ADGRL2: variants seen among roughly 807,000 people sequenced by gnomAD.
ADGRL2 encodes the protein adhesion G protein-coupled receptor L2, also known as calcium-independent alpha-latrotoxin receptor 2.
Under a neutral mutation model 157.4 loss-of-function variants are expected in ADGRL2, and 44 were observed. That is an observed-to-expected ratio of 0.28 (90% CI 0.22 to 0.36). ADGRL2 has a LOEUF of 0.36. Ranked by LOEUF, ADGRL2 falls within the 10% of genes least tolerant of loss-of-function variation. ADGRL2 has a pLI of 1.00. For synonymous variants in ADGRL2, 585 were observed against 624.7 expected, an observed-to-expected ratio of 0.94 and a Z score of 0.95; for missense variants, 1,510 against 1,768.9, an observed-to-expected ratio of 0.85 and a Z score of 2.63.
chr1:81,699,684 C>T (rs2083518755), upstream of ADGRL2: 1 of 152,186 alleles, frequency 6.6e-6, no homozygotes, highest in Admixed American at 6.5e-5. Flanking sequence ...AGTGTTGTGA[C>T]TGTGATTTCC....
chr1:81,459,703 TAC>T (rs571747583), intron 2 of ADGRL2, among the ~76,000 whole-genome samples: 19 of 151,212 alleles, frequency 1.3e-4, no homozygotes, highest in South Asian at 2.1e-4. Context: ...TATATATATA[TAC>T]ACACACACAC....
At chr1:81,466,677 G>GCA (rs200150102) in intron 2 of ADGRL2, among the ~76,000 whole-genome samples, 11 of 38,610 alleles carry the variant, frequency 2.8e-4, no homozygotes, top group African/African-American at 5.6e-4. Context: ...TCTCACGCGC[G>GCA]CGCACACACA....
intron 1 of ADGRL2, among the ~76,000 whole-genome samples, chr1:81,421,219 C>A (rs1006246836): frequency 8.5e-5 from 13 of 152,246 alleles, no homozygotes; most frequent in Non-Finnish European, 1.8e-4. Context: ...TAAATTATGT[C>A]CACCTAATAC....
chr1:81,800,609 C>G (rs1189244176), upstream of ADGRL2: 1 of 152,160 alleles, frequency 6.6e-6, no homozygotes, highest in Non-Finnish European at 1.5e-5. Flanking sequence ...GCTGGTCATC[C>G]CCCTGCGCTC....
chr1:81,766,547 A>C (rs1188077583), intron 2 of ADGRL2, among the ~76,000 whole-genome samples: 1 of 152,152 alleles, frequency 6.6e-6, no homozygotes, highest in Non-Finnish European at 1.5e-5. Flanking sequence ...TAAGAAATAC[A>C]GGGCTGGGCA....
chr1:81,612,507 G>A (rs987010778), intron 3 of ADGRL2, among the ~76,000 whole-genome samples: 20 of 152,164 alleles, frequency 1.3e-4, no homozygotes, highest in African/African-American at 4.8e-4. Flanking sequence ...ACTTTAAAGA[G>A]AATGGCTCAG....
intron 1 of ADGRL2, among the ~76,000 whole-genome samples, chr1:81,443,844 C>T (rs2077552673): frequency 6.6e-6 from 1 of 152,078 alleles, no homozygotes; most frequent in Non-Finnish European, 1.5e-5. Context: ...GCAAATATTG[C>T]TTGACTAGTA....
chr1:81,930,251 G>C, intron 3 of ADGRL2, among the ~76,000 whole-genome samples: 1 of 152,270 alleles, frequency 6.6e-6, no homozygotes, highest in East Asian at 1.9e-4. Flanking sequence ...TATTTCATTA[G>C]TAATGAGGCA....
chr1:81,721,063 G>T (rs1168820317), intron 1 of ADGRL2, among the ~76,000 whole-genome samples: 1 of 147,832 alleles, frequency 6.8e-6, no homozygotes. Context: ...ATAGAGCCGG[G>T]GTCTTGCTAT....
chr1:81,771,793 TG>T (rs932471372), intron 2 of ADGRL2, among the ~76,000 whole-genome samples: 5 of 150,942 alleles, frequency 3.3e-5, no homozygotes, highest in African/African-American at 1.2e-4. Flanking sequence ...ACAAACACAC[TG>T]GAAAAAAAAG....
chr1:81,623,697 C>T (rs995497654), intron 3 of ADGRL2, among the ~76,000 whole-genome samples: 8 of 136,914 alleles, frequency 5.8e-5, no homozygotes, highest in South Asian at 2.3e-4. Flanking sequence ...AGTGCAGTGG[C>T]GTGATCTCGG....
At chr1:81,403,801 T>A (rs968869754) in intron 1 of ADGRL2, among the ~76,000 whole-genome samples, 1 of 144,040 alleles carries the variant, frequency 6.9e-6, no homozygotes, top group Non-Finnish European at 1.5e-5. Context: ...TGTCTTTGAT[T>A]TTTTTTTTTT....
intron 1 of ADGRL2, among the ~76,000 whole-genome samples, chr1:81,749,013 A>G (rs2085405192): frequency 6.6e-6 from 1 of 152,156 alleles, no homozygotes. Flanking sequence ...ATACTGTTTG[A>G]AGTAGAACAG....
intron 3 of ADGRL2, among the ~76,000 whole-genome samples, chr1:81,673,538 G>A (rs907973302): frequency 5.9e-5 from 8 of 136,050 alleles, no homozygotes; most frequent in African/African-American, 1.7e-4. Context: ...TTTTTGAGAC[G>A]GAGTCTCACT....
At chr1:81,351,213 A>G (rs750224412) in intron 1 of ADGRL2, among the ~76,000 whole-genome samples, 1 of 148,682 alleles carries the variant, frequency 6.7e-6, no homozygotes, top group African/African-American at 2.5e-5. Flanking sequence ...GATGTTTTTT[A>G]TTTATTTGTG....
chr1:81,581,860 C>A (rs1171344767), intron 3 of ADGRL2, among the ~76,000 whole-genome samples: 1 of 129,256 alleles, frequency 7.7e-6, no homozygotes, highest in African/African-American at 2.9e-5. Context: ...CCTCCCACCA[C>A]CACACACATG....
intron 2 of ADGRL2, among the ~76,000 whole-genome samples, chr1:81,767,054 C>G (rs1317570925): frequency 6.6e-6 from 1 of 151,808 alleles, no homozygotes; most frequent in African/African-American, 2.4e-5. Flanking sequence ...ATATTTCATC[C>G]TGAAATATAT....
At chr1:81,557,522 A>AAAGAAAG (rs1553123760) in intron 2 of ADGRL2, 1 of 150,876 alleles carries the variant, frequency 6.6e-6, no homozygotes, top group Non-Finnish European at 1.5e-5. Flanking sequence ...AGAAAGAAAG[A>AAAGAAAG]AAGAGAAGAA....
At chr1:81,394,969 G>T (rs1423680795) in intron 1 of ADGRL2, among the ~76,000 whole-genome samples, 1 of 151,872 alleles carries the variant, frequency 6.6e-6, no homozygotes, top group Non-Finnish European at 1.5e-5. Context: ...CACGATCTCA[G>T]CTCACTGCAA....
Sources: allele counts gnomAD v4.1 joint callset (sites outside exome capture counted in the v4.1 genomes callset), GRCh38; gene constraint gnomAD v4.1.1; transcripts MANE v1.5; gene names NCBI Gene and HGNC (gene_info 2026-07-23, HGNC 2026-07-21).